Variants in RFC1 observed in about 807,000 individuals in gnomAD.
The protein encoded by RFC1 is A1 140 kDa subunit.
Under a neutral mutation model 137.4 loss-of-function variants are expected in RFC1, and 37 were observed. The ratio of observed to expected loss-of-function variants is 0.27; its 90% CI spans 0.21 to 0.35. The LOEUF (loss-of-function observed/expected upper bound fraction) is 0.35. Among genes scored for constraint, RFC1 ranks in the 10% least tolerant of loss-of-function variants. The probability of loss-of-function intolerance (pLI) is 1.00; values close to 1 mark genes in which losing one functional copy is unlikely to be tolerated. For synonymous variants in RFC1, 429 were observed against 455.7 expected (o/e 0.94, Z 0.75); for missense variants, 1,205 against 1,358.5 (o/e 0.89, Z 1.78).
chr4:39,331,794 A>G (rs1197251689), intron 4 of RFC1, among the ~76,000 whole-genome samples: 1 of 152,216 alleles, frequency 6.6e-6, no homozygotes, highest in East Asian at 1.9e-4. Context: ...ATCTGAAAAG[A>G]ATCAATAAAA....
At chr4:39,342,049 A>G (rs770755198) in intron 4 of RFC1, among the ~76,000 whole-genome samples, 10 of 152,240 alleles carry the variant, frequency 6.6e-5, no homozygotes, top group Non-Finnish European at 1.3e-4. Context: ...CTTGCATTAA[A>G]AAAGTAGTTC....
chr4:39,326,469 G>A (rs562743681), intron 6 of RFC1, 94 bp downstream of exon 6: 1 of 853,310 alleles, frequency 1.2e-6, no homozygotes, highest in African/African-American at 1.7e-5. Flanking sequence ...TATTTTACAT[G>A]TAACTTCCAA....
chr4:39,334,876 T>C (rs1050224053), intron 4 of RFC1, among the ~76,000 whole-genome samples: 10 of 152,176 alleles, frequency 6.6e-5, no homozygotes, highest in Non-Finnish European at 1.3e-4. Flanking sequence ...AGGAATTGCC[T>C]GGGAGAGAAG....
intron 4 of RFC1, among the ~76,000 whole-genome samples, chr4:39,340,550 A>G (rs1409933898): frequency 6.6e-6 from 1 of 152,192 alleles, no homozygotes; most frequent in Admixed American, 6.5e-5. Flanking sequence ...AGCCTAACGT[A>G]AAGAGTAATG....
At chr4:39,363,883 T>C (rs1340590159) in intron 1 of RFC1, among the ~76,000 whole-genome samples, 24 of 76,454 alleles carry the variant, frequency 3.1e-4, no homozygotes, top group South Asian at 9.1e-4. Context: ...ACAGCAAGAC[T>C]CTCAAAAAAA....
chr4:39,345,527 T>C, intron 2 of RFC1, 51 bp from the exon 3 acceptor site: 1 of 618,160 alleles, frequency 1.6e-6, no homozygotes, highest in Non-Finnish European at 2.3e-6. Context: ...TATAACTATC[T>C]TTTTTTTTTT....
At chr4:39,361,682 T>A (rs1441158548) in intron 1 of RFC1, among the ~76,000 whole-genome samples, 2 of 152,172 alleles carry the variant, frequency 1.3e-5, no homozygotes, top group Admixed American at 6.5e-5. Flanking sequence ...TCAGCAAGGA[T>A]ACAAGATCAA....
rs563483476 is a variant in RFC1, at chr4:39,366,315, T to C, written c.-74A>G. On this transcript the variant is annotated 5_prime_UTR_variant, in exon 1 of 25. Coordinates refer to ENST00000349703, the MANE Select transcript of RFC1 (RefSeq NM_002913.5). ...AGGAATCTGTTATCGAGGCTCAGGATCCATTCGCGCCAACAACTTCTCCCG... is the reference window on the plus strand; with the variant it reads ...AGGAATCTGTTATCGAGGCTCAGGACCCATTCGCGCCAACAACTTCTCCCG... 9 of 1,438,560 alleles carry C rather than the reference T, an allele frequency of 6.3e-6. No homozygotes were observed. Among genetic ancestry groups the C allele is most frequent in the African/African-American group, 2.9e-5 (2 of 68,608 alleles). 89.1% of individuals were successfully genotyped at this position (1,438,560 alleles called of 1,614,324 possible).
chr4:39,316,403 G>A (rs1321270152), intron 10 of RFC1, among the ~76,000 whole-genome samples: 1 of 151,972 alleles, frequency 6.6e-6, no homozygotes, highest in Non-Finnish European at 1.5e-5. Context: ...TCCCCCTGCA[G>A]GAACATCATA....
intron 3 of RFC1, among the ~76,000 whole-genome samples, chr4:39,344,095 CAG>C (rs1740734985): frequency 6.9e-6 from 1 of 145,268 alleles, no homozygotes; most frequent in Non-Finnish European, 1.5e-5. Context: ...GCCTGGGTGA[CAG>C]AGCAAAATTC....
At chr4:39,303,028 G>A in intron 16 of RFC1, 32 bp downstream of exon 16, 1 of 1,551,970 alleles carries the variant, frequency 6.4e-7, no homozygotes, top group Non-Finnish European at 8.9e-7. Flanking sequence ...ATTATCAACA[G>A]TGAAACTGCA....
chr4:39,339,620 T>C (rs1740520295), intron 4 of RFC1, among the ~76,000 whole-genome samples: 1 of 152,238 alleles, frequency 6.6e-6, no homozygotes, highest in South Asian at 2.1e-4. Context: ...GTATGAATTA[T>C]TCATACATTG....
At chr4:39,298,909 G>C (rs1485646550) in intron 21 of RFC1, among the ~76,000 whole-genome samples, 1 of 152,178 alleles carries the variant, frequency 6.6e-6, no homozygotes, top group Non-Finnish European at 1.5e-5. Context: ...ACGAGGTCAG[G>C]AGATTAAGAC....
At chr4:39,306,499 C>CAT in intron 14 of RFC1, 93 bp downstream of exon 14, 1 of 685,086 alleles carries the variant, frequency 1.5e-6, no homozygotes, top group Non-Finnish European at 2.6e-6. Flanking sequence ...CACACACACA[C>CAT]ATGCACACGC....
chr4:39,315,117 C>T (rs766432767), intron 10 of RFC1, among the ~76,000 whole-genome samples: 1 of 152,208 alleles, frequency 6.6e-6, no homozygotes, highest in African/African-American at 2.4e-5. Flanking sequence ...TCCATTTTGT[C>T]TCCTCACACT....
chr4:39,345,125 A>G (rs539194879), intron 3 of RFC1, among the ~76,000 whole-genome samples: 2 of 151,942 alleles, frequency 1.3e-5, no homozygotes, highest in East Asian at 1.9e-4. Context: ...AGCAATTCTC[A>G]TATCTCAGCC....
intron 10 of RFC1, among the ~76,000 whole-genome samples, chr4:39,316,089 G>A (rs530504892): frequency 6.6e-6 from 1 of 152,260 alleles, no homozygotes; most frequent in East Asian, 1.9e-4. Flanking sequence ...AATTAGCCAG[G>A]CATGGTGGCG....
chr4:39,351,121 G>C (rs1284407598), intron 2 of RFC1, among the ~76,000 whole-genome samples: 1 of 151,668 alleles, frequency 6.6e-6, no homozygotes, highest in Non-Finnish European at 1.5e-5. Flanking sequence ...TGTGGTGGCG[G>C]GCGCCTGTAG....
At chr4:39,332,604 T>C (rs1213020620) in intron 4 of RFC1, among the ~76,000 whole-genome samples, 2 of 152,230 alleles carry the variant, frequency 1.3e-5, no homozygotes, top group African/African-American at 4.8e-5. Flanking sequence ...CAAAATACTA[T>C]ACTCCTTAGG....
Sources: gnomAD v4.1 joint callset for allele counts (sites outside exome capture counted in the v4.1 genomes callset) on GRCh38, gnomAD v4.1.1 for gene constraint, MANE v1.5 for transcripts, NCBI Gene and HGNC (gene_info 2026-07-23, HGNC 2026-07-21) for gene names.